CFTR: variants seen among roughly 807,000 people sequenced by gnomAD.
The protein encoded by CFTR is CF transmembrane conductance regulator, also known as cystic fibrosis transmembrane conductance regulator.
In CFTR, 181 loss-of-function variants were observed where a neutral mutation model predicts 171.6. That is an observed-to-expected ratio of 1.05 (90% CI 0.93 to 1.19). CFTR has a LOEUF of 1.19. CFTR is among the 50% of genes most tolerant of loss of function. The probability of loss-of-function intolerance (pLI) is 0.00; values close to 1 mark genes in which losing one functional copy is unlikely to be tolerated. For synonymous variants in CFTR, 583 were observed against 608.0 expected (o/e 0.96, Z 0.60); for missense variants, 1,968 against 1,734.7 (o/e 1.13, Z -2.39).
At chr7:117,625,846 A>G (rs1299570602) in intron 21 of CFTR, among the ~76,000 whole-genome samples, 1 of 152,162 alleles carries the variant, frequency 6.6e-6, no homozygotes, top group Admixed American at 6.6e-5. Context: ...CTCTATGAAA[A>G]TTAGTGACAG....
At chr7:117,635,427 C>A (rs1298729435) in intron 22 of CFTR, among the ~76,000 whole-genome samples, 1 of 151,946 alleles carries the variant, frequency 6.6e-6, no homozygotes, top group African/African-American at 2.4e-5. Context: ...TATATTTGGA[C>A]TATTGATATT....
chr7:117,637,170 C>T (rs1417484765), intron 22 of CFTR, among the ~76,000 whole-genome samples: 1 of 151,704 alleles, frequency 6.6e-6, no homozygotes, highest in East Asian at 1.9e-4. Flanking sequence ...ATTCCAACAT[C>T]CCTGTCATAT....
rs1393264296 is a variant in CFTR at position 117,587,921 on chromosome 7, TTC to T, written c.1679+90_1679+91del. 1.7e-5 allele frequency: 14 copies of T among 835,804 alleles called. No individual in the cohort carries two copies. In the East Asian group the frequency reaches 3.4e-4, roughly 20 times the overall value. The allele number at this position is 835,804 out of a possible 1,614,324, so 51.8% of individuals were successfully genotyped here. On this transcript the variant is annotated intron_variant, in intron 12 of 26. Transcript: ENST00000003084. ...ACAGACATTTCTCTATTGCTTTATA[TTC>T]TGTTTCTGGAATTGAAAAAATCCTG...
At chr7:117,580,680 C>T (rs1791836515) in intron 11 of CFTR, among the ~76,000 whole-genome samples, 1 of 152,082 alleles carries the variant, frequency 6.6e-6, no homozygotes, top group African/African-American at 2.4e-5. Context: ...CAAAAGCTTA[C>T]ACTTTCAGTC....
intron 1 of CFTR, among the ~76,000 whole-genome samples, chr7:117,481,620 T>C (rs1798002347): frequency 6.6e-6 from 1 of 152,190 alleles, no homozygotes; most frequent in Non-Finnish European, 1.5e-5. Context: ...GCTAAGTGTG[T>C]TAAGAGCATA....
chr7:117,536,114 T>TA (rs1798950990), intron 6 of CFTR, among the ~76,000 whole-genome samples: 1 of 152,228 alleles, frequency 6.6e-6, no homozygotes, highest in Non-Finnish European at 1.5e-5. Flanking sequence ...ATGAATGACT[T>TA]ACACAAGTCA....
In CFTR at chr7:117,536,568, T is replaced by A. The variant is rs772704102; in HGVS notation, c.764T>A (p.Ile255Asn). ...MKYRDQRAGKISERLVITSEM... is the reference protein window; with the variant it reads ...MKYRDQRAGKNSERLVITSEM... ...TACAGAGATCAGAGAGCTGGGAAGA[T>A]CAGTGAAAGACTTGTGATTACCTCA... Residue 255 changes from isoleucine (I) to asparagine (N), a missense_variant, in exon 7 of 27, where the codon ATC becomes AAC. Physicochemically the swap from Ile to Asn is moderately radical, Grantham distance 149. Coordinates refer to ENST00000003084, the MANE Select transcript of CFTR (RefSeq NM_000492.4). 2.5e-6 allele frequency: 4 copies of A among 1,598,072 alleles called. No individual in the cohort carries two copies. The highest frequency in any genetic ancestry group is 4.5e-5 in the East Asian group (2 of 44,654).
At chr7:117,508,784 T>G (rs1798463382) in intron 2 of CFTR, among the ~76,000 whole-genome samples, 1 of 152,354 alleles carries the variant, frequency 6.6e-6, no homozygotes, top group East Asian at 1.9e-4. Context: ...AACACTTTTC[T>G]TTAACACATA....
At chr7:117,623,349 C>T (rs1167890909) in intron 21 of CFTR, among the ~76,000 whole-genome samples, 1 of 152,214 alleles carries the variant, frequency 6.6e-6, no homozygotes, top group African/African-American at 2.4e-5. Flanking sequence ...TCCCTCGATC[C>T]TCCTTGGACA....
At chr7:117,484,909 G>A (rs1798048049) in intron 1 of CFTR, among the ~76,000 whole-genome samples, 1 of 151,922 alleles carries the variant, frequency 6.6e-6, no homozygotes, top group African/African-American at 2.4e-5. Context: ...TTAATTCCTT[G>A]CTAAAGAGAG....
intron 3 of CFTR, among the ~76,000 whole-genome samples, chr7:117,530,664 A>G (rs1276868429): frequency 6.6e-6 from 1 of 152,178 alleles, no homozygotes; most frequent in Non-Finnish European, 1.5e-5. Flanking sequence ...TCACTGTTTA[A>G]CTTAAAATAC....
At chr7:117,548,529 C>T in intron 9 of CFTR, 112 bp from the exon 10 acceptor site, 2 of 1,533,096 alleles carry the variant, frequency 1.3e-6, no homozygotes, top group Non-Finnish European at 1.8e-6. Context: ...GGATCATGGG[C>T]CATGTGCTTT....
Position 117,667,481 on chromosome 7 carries a change from A to T in CFTR, c.*373A>T. 1 of 341,268 alleles carries T rather than the reference A, an allele frequency of 2.9e-6. No individual in the cohort carries two copies. The highest frequency in any genetic ancestry group is 5.7e-6 in the Non-Finnish European group (1 of 174,942). 21.1% of individuals were successfully genotyped at this position (341,268 alleles called of 1,614,324 possible). On this transcript the variant is annotated 3_prime_UTR_variant, in exon 27 of 27. Transcript: ENST00000003084. ...TGTCTAGTGAAACTCGTTAATTTGT[A>T]GTGTTGGAGAAGAACTGAAATCATA...
chr7:117,564,356 A>G (rs1791565181), intron 11 of CFTR, among the ~76,000 whole-genome samples: 1 of 152,232 alleles, frequency 6.6e-6, no homozygotes, highest in Non-Finnish European at 1.5e-5. Flanking sequence ...GTGACCTAAG[A>G]GTTTCTTTTT....
At chr7:117,651,306 A>T (rs190335691) in intron 23 of CFTR, among the ~76,000 whole-genome samples, 16 of 152,218 alleles carry the variant, frequency 1.1e-4, no homozygotes, top group Admixed American at 6.5e-4. Context: ...AAAAATATAT[A>T]AAAAAAGCAA....
chr7:117,611,470 G>A (rs940330248), intron 19 of CFTR, 111 bp from the exon 20 acceptor site: 30 of 742,500 alleles, frequency 4.0e-5, no homozygotes, highest in Non-Finnish European at 1.2e-5. Context: ...TTTAACCAAT[G>A]ACATTTGTGA....
chr7:117,536,588 A>G lies in CFTR; in HGVS notation c.784A>G (p.Thr262Ala). The change falls in exon 7 of 27, where the codon ACC becomes GCC. Residue 262 changes from threonine (T) to alanine (A), a missense_variant. Thr to Ala is a moderately conservative substitution (Grantham distance 58). Transcript: ENST00000003084. ...GAAGATCAGTGAAAGACTTGTGATT[A>G]CCTCAGAAATGATTGAAAATATCCA... ...AGKISERLVI[T>A]SEMIENIQSV... The G allele has an allele frequency of 6.2e-7, 1 of 1,606,544 alleles. No homozygotes were observed. The highest frequency in any genetic ancestry group is 8.5e-7 in the Non-Finnish European group (1 of 1,176,008).
At position 117,667,048 on chromosome 7, in the gene CFTR, G is replaced by T. The variant is rs1562929623; in HGVS notation, c.4383G>T (p.Lys1461Asn). ...PHRNSSKCKS[K>N]PQIAALKEET... ...GGAACTCAAGCAAGTGCAAGTCTAA[G>T]CCCCAGATTGCTGCTCTGAAAGAGG... Residue 1461 changes from lysine to asparagine, a missense_variant, in exon 27 of 27, where the codon AAG becomes AAT. Coordinates refer to ENST00000003084, the MANE Select transcript of CFTR (RefSeq NM_000492.4). 1 of 1,613,928 alleles carries T rather than the reference G, an allele frequency of 6.2e-7. No homozygotes were observed. The highest frequency in any genetic ancestry group is 1.7e-5 in the Admixed American group (1 of 59,984).
chr7:117,591,800 GA>G (rs1792028352), intron 13 of CFTR, 133 bp from the exon 14 acceptor site: 1 of 578,248 alleles, frequency 1.7e-6, no homozygotes, highest in Non-Finnish European at 2.9e-6. Flanking sequence ...AGTACTTATA[GA>G]ATCATTTAAA....
Sources: allele counts gnomAD v4.1 joint callset (sites outside exome capture counted in the v4.1 genomes callset), GRCh38; gene constraint gnomAD v4.1.1; transcripts MANE v1.5; gene names NCBI Gene and HGNC (gene_info 2026-07-23, HGNC 2026-07-21).